GLIS3: variants seen among roughly 807,000 people sequenced by gnomAD.
GLIS3 encodes GLIS family zinc finger 3.
Under a neutral mutation model 78.6 loss-of-function variants are expected in GLIS3, and 53 were observed. The ratio of observed to expected loss-of-function variants is 0.67; its 90% CI spans 0.54 to 0.85. GLIS3 has a LOEUF of 0.85. Ranked by LOEUF, GLIS3 falls within the 40% of genes least tolerant of loss-of-function variation. GLIS3 has a pLI of 0.00. For synonymous variants in GLIS3, 684 were observed against 509.9 expected (o/e 1.34, Z -4.60); for missense variants, 1,703 against 1,231.1 (o/e 1.38, Z -5.74).
At chr9:3,973,405 C>G (rs1056518702) in intron 4 of GLIS3, among the ~76,000 whole-genome samples, 1 of 152,090 alleles carries the variant, frequency 6.6e-6, no homozygotes, top group Non-Finnish European at 1.5e-5. Flanking sequence ...CCTGGCATGG[C>G]CTGTCCCACC....
chr9:4,219,903 C>G (rs1403994633), intron 2 of GLIS3, among the ~76,000 whole-genome samples: 5 of 152,256 alleles, frequency 3.3e-5, no homozygotes, highest in African/African-American at 1.2e-4. Context: ...ACCCAGCACT[C>G]AGATCTTGGT....
chr9:4,363,239 A>G, the GLIS3 span, among the ~76,000 whole-genome samples: 1 of 152,182 alleles, frequency 6.6e-6, no homozygotes, highest in Non-Finnish European at 1.5e-5. Context: ...CCTGGCCAAC[A>G]TGGTAAAACC....
At chr9:4,451,957 C>CAA in the GLIS3 span, among the ~76,000 whole-genome samples, 1 of 150,144 alleles carries the variant, frequency 6.7e-6, no homozygotes, top group East Asian at 1.9e-4. Context: ...AGCAGCACAT[C>CAA]AAAAAGCTTA....
intron 2 of GLIS3, among the ~76,000 whole-genome samples, chr9:4,262,933 CAAAAAAAAA>C (rs34292499): frequency 1.3e-4 from 13 of 97,886 alleles, no homozygotes; most frequent in African/African-American, 4.1e-4. Flanking sequence ...GTGTTTGCCT[CAAAAAAAAA>C]AAAAAAAAAA....
chr9:4,191,336 A>G (rs1275695098), intron 2 of GLIS3, among the ~76,000 whole-genome samples: 1 of 152,210 alleles, frequency 6.6e-6, no homozygotes, highest in Non-Finnish European at 1.5e-5. Flanking sequence ...TCAACTGAGC[A>G]TTTTAGAGTT....
intron 4 of GLIS3, among the ~76,000 whole-genome samples, chr9:4,015,719 C>A (rs1822376329): frequency 6.6e-6 from 1 of 151,974 alleles, no homozygotes; most frequent in African/African-American, 2.4e-5. Flanking sequence ...GAAACCCCAT[C>A]TCTACTAAAA....
At chr9:3,892,525 C>A (rs560456292) in intron 7 of GLIS3, among the ~76,000 whole-genome samples, 18 of 152,284 alleles carry the variant, frequency 1.2e-4, no homozygotes, top group Non-Finnish European at 2.5e-4. Flanking sequence ...TCTCTTATTA[C>A]TGTAAAATAT....
intron 4 of GLIS3, among the ~76,000 whole-genome samples, chr9:3,983,992 G>C (rs145524667): frequency 0.027 from 4,160 of 152,348 alleles, 166 homozygotes; most frequent in African/African-American, 0.087. Context: ...GGGCATGTCA[G>C]AGGTCTTCAT....
the GLIS3 span, among the ~76,000 whole-genome samples, chr9:4,428,607 T>A: frequency 2.0e-5 from 3 of 150,706 alleles, no homozygotes; most frequent in East Asian, 5.9e-4. Flanking sequence ...CCAATGAAAA[T>A]CAAACTACGA....
chr9:4,432,611 G>A, the GLIS3 span, among the ~76,000 whole-genome samples: 4 of 147,612 alleles, frequency 2.7e-5, no homozygotes, highest in Non-Finnish European at 1.5e-5. Flanking sequence ...TTCATTGTTT[G>A]AAAAACAGAC....
chr9:4,213,301 C>G (rs569005650), intron 2 of GLIS3, among the ~76,000 whole-genome samples: 1 of 152,216 alleles, frequency 6.6e-6, no homozygotes, highest in Non-Finnish European at 1.5e-5. Context: ...GACAACCCAG[C>G]CACACCCTAA....
the GLIS3 span, among the ~76,000 whole-genome samples, chr9:4,391,985 G>C: frequency 2.0e-5 from 3 of 152,130 alleles, no homozygotes; most frequent in African/African-American, 7.2e-5. Context: ...CAATAGCAAA[G>C]ACATGGAATC....
Position 4,296,576 on chromosome 9 carries a change from C to T in GLIS3, c.-99+2845G>A, listed in dbSNP as rs73641406. Among the ~76,000 whole-genome samples the T allele has an allele frequency of 3.9e-3, 589 of 152,174 alleles. 7 individuals carry two copies. The highest frequency in any genetic ancestry group is 0.013 in the African/African-American group (555 of 41,508). On this transcript the variant is annotated intron_variant, in intron 1 of 10. Coordinates refer to ENST00000381971, the MANE Select transcript of GLIS3 (RefSeq NM_001042413.2). ...TAGGTATTCAACCTCTGATAACCTG[C>T]CTACTAAGGAACTTCAGTGGAATCA...
intron 1 of GLIS3, among the ~76,000 whole-genome samples, chr9:4,292,219 G>A (rs7851470): frequency 0.92 from 140,546 of 152,174 alleles, 65,487 homozygotes; most frequent in Non-Finnish European, 0.98. Context: ...GAAATTAATT[G>A]TTCAACGGAG....
intron 2 of GLIS3, among the ~76,000 whole-genome samples, chr9:4,243,889 G>A (rs1823559153): frequency 6.6e-6 from 1 of 152,186 alleles, no homozygotes; most frequent in African/African-American, 2.4e-5. Context: ...TCATGAGGTG[G>A]AGCTTAGAAG....
chr9:4,414,244 T>A, the GLIS3 span, among the ~76,000 whole-genome samples: 8 of 152,058 alleles, frequency 5.3e-5, no homozygotes, highest in Admixed American at 3.3e-4. Context: ...AAGGACAGAT[T>A]TTAGATTAGA....
At chr9:4,135,899 T>C (rs1833372010) in intron 2 of GLIS3, among the ~76,000 whole-genome samples, 1 of 152,230 alleles carries the variant, frequency 6.6e-6, no homozygotes, top group African/African-American at 2.4e-5. Context: ...CACCCTAGGC[T>C]TGCTATGTAG....
chr9:4,094,818 A>C (rs184819222), intron 4 of GLIS3, among the ~76,000 whole-genome samples: 1 of 152,324 alleles, frequency 6.6e-6, no homozygotes, highest in Admixed American at 6.5e-5. Context: ...TTGGCTCACA[A>C]ACTAGGACAA....
At chr9:4,402,651 C>A in the GLIS3 span, among the ~76,000 whole-genome samples, 3 of 152,030 alleles carry the variant, frequency 2.0e-5, no homozygotes, top group Admixed American at 6.6e-5. Context: ...AAGCAAGCAG[C>A]AATTCTAGAG....
Sources: gnomAD v4.1 joint callset for allele counts (sites outside exome capture counted in the v4.1 genomes callset) on GRCh38, gnomAD v4.1.1 for gene constraint, MANE v1.5 for transcripts, NCBI Gene and HGNC (gene_info 2026-07-23, HGNC 2026-07-21) for gene names.